Variants in POFUT4 observed in about 807,000 individuals in gnomAD.
The protein encoded by POFUT4 is protein O-fucosyltransferase 4.
At chr10:73,772,897 C>T in the POFUT4 span, 4 of 1,611,762 alleles carry the variant, frequency 2.5e-6, no homozygotes, top group South Asian at 2.2e-5. Context: ...CCGGGACCGC[C>T]TATCTGCGCC....
At chr10:73,772,702 C>A in the POFUT4 span, 1 of 1,579,648 alleles carries the variant, frequency 6.3e-7, no homozygotes, top group African/African-American at 1.4e-5. Context: ...TGCTCTTCTA[C>A]GGCACAGACT....
chr10:73,772,659 G>A, the POFUT4 span: 2 of 1,556,072 alleles, frequency 1.3e-6, no homozygotes, highest in South Asian at 1.2e-5. Context: ...TCCCGGAACC[G>A]CCGAGCGCTG....
chr10:73,775,514 A>C, the POFUT4 span: 10 of 1,614,118 alleles, frequency 6.2e-6, no homozygotes, highest in Non-Finnish European at 8.5e-6. Context: ...GCAGTTCCAT[A>C]ATCCAACCCC....
chr10:73,774,497 T>A, the POFUT4 span: 1 of 152,020 alleles, frequency 6.6e-6, no homozygotes, highest in Non-Finnish European at 1.5e-5. Context: ...TAATATAATA[T>A]ATTGACCAGC....
At chr10:73,772,772 G>A in the POFUT4 span, 1 of 1,609,132 alleles carries the variant, frequency 6.2e-7, no homozygotes, top group Middle Eastern at 1.7e-4. Context: ...GCTCCTCCAC[G>A]AGGAGTCGCC....
the POFUT4 span, chr10:73,775,232 G>A: frequency 3.3e-6 from 2 of 607,524 alleles, no homozygotes; most frequent in East Asian, 2.8e-5. Context: ...TCCTTATGGA[G>A]ACTGCCACTT....
chr10:73,774,419 C>G, the POFUT4 span: 1 of 152,124 alleles, frequency 6.6e-6, no homozygotes, highest in South Asian at 2.1e-4. Context: ...GTGGCTCACA[C>G]CTGTAATCCC....
At chr10:73,773,730 C>T in the POFUT4 span, 1 of 1,614,110 alleles carries the variant, frequency 6.2e-7, no homozygotes, top group Non-Finnish European at 8.5e-7. Context: ...CGTCTTTGAG[C>T]CCCACATTGC....
chr10:73,777,157 A>G, the POFUT4 span, among the ~76,000 whole-genome samples: 1 of 152,290 alleles, frequency 6.6e-6, no homozygotes, highest in East Asian at 1.9e-4. Context: ...TGCCTTGTCA[A>G]TTTAATGTAT....
the POFUT4 span, chr10:73,773,567 A>G: frequency 6.2e-7 from 1 of 1,614,216 alleles, no homozygotes; most frequent in African/African-American, 1.3e-5. Context: ...TCACCAACCA[A>G]TTTCTTCTGG....
At chr10:73,780,190 T>G in the POFUT4 span, 6 of 152,262 alleles carry the variant, frequency 3.9e-5, no homozygotes, top group African/African-American at 1.4e-4. Flanking sequence ...CCTTTATTAC[T>G]GCAAGTGTTA....
chr10:73,774,730 C>T, the POFUT4 span: 96,951 of 152,864 alleles, frequency 0.63, 32,048 homozygotes, highest in Middle Eastern at 0.83. Context: ...ATGCACAATG[C>T]GCATCAGAAG....
the POFUT4 span, chr10:73,773,479 T>C: frequency 6.2e-7 from 1 of 1,614,132 alleles, no homozygotes; most frequent in African/African-American, 1.3e-5. Flanking sequence ...CCTCAGAAGC[T>C]GGCAGAGTTT....
At chr10:73,774,530 C>T in the POFUT4 span, 1 of 152,064 alleles carries the variant, frequency 6.6e-6, no homozygotes, top group African/African-American at 2.4e-5. Flanking sequence ...ATAAGAGCCT[C>T]TCTGTACAAT....
the POFUT4 span, chr10:73,775,859 C>T: frequency 3.1e-6 from 2 of 643,710 alleles, no homozygotes; most frequent in East Asian, 5.5e-5. Context: ...CAAGGTCTAA[C>T]ATAGGGCCTC....
chr10:73,779,946 G>C, the POFUT4 span: 1 of 152,206 alleles, frequency 6.6e-6, no homozygotes, highest in African/African-American at 2.4e-5. Context: ...ACTCACAAAA[G>C]AGCAGTGTAA....
At chr10:73,772,650 C>T in the POFUT4 span, 3 of 1,555,620 alleles carry the variant, frequency 1.9e-6, no homozygotes, top group African/African-American at 1.4e-5. Context: ...TGCGTGGCGT[C>T]CCGGAACCGC....
At chr10:73,778,399 A>AG in the POFUT4 span, among the ~76,000 whole-genome samples, 1 of 151,104 alleles carries the variant, frequency 6.6e-6, no homozygotes, top group Non-Finnish European at 1.5e-5. Context: ...CCCAAAAAAA[A>AG]AAAAAAAAAA....
the POFUT4 span, chr10:73,775,831 A>G: frequency 1.2e-6 from 1 of 836,562 alleles, no homozygotes; most frequent in Non-Finnish European, 1.9e-6. Context: ...TTAAGATTTT[A>G]TCTTAATGAT....
Sources: allele counts gnomAD v4.1 joint callset (sites outside exome capture counted in the v4.1 genomes callset), GRCh38; gene constraint gnomAD v4.1.1; transcripts MANE v1.5; gene names NCBI Gene and HGNC (gene_info 2026-07-23, HGNC 2026-07-21).